Variants in ARHGEF6 observed in about 807,000 individuals in gnomAD.
ARHGEF6 encodes the protein Rac/Cdc42 guanine nucleotide exchange factor 6, also known as rho guanine nucleotide exchange factor 6.
In ARHGEF6, 9 loss-of-function variants were observed where a neutral mutation model predicts 70.3. The ratio of observed to expected loss-of-function variants is 0.13; its 90% confidence interval spans 0.08 to 0.22. The LOEUF is 0.22. Ranked by LOEUF, ARHGEF6 falls within the 10% of genes least tolerant of loss-of-function variation. The pLI is 1.00. For missense variants in ARHGEF6, 470 were observed against 563.0 expected, an observed-to-expected ratio of 0.83 and a Z score of 1.67; for synonymous variants, 201 against 207.8, an observed-to-expected ratio of 0.97 and a Z score of 0.28.
chrX:136,671,965 G>T, intron 20 of ARHGEF6, 55 bp downstream of exon 20: 1 of 1,012,250 alleles, frequency 9.9e-7, no homozygotes, highest in Non-Finnish European at 1.4e-6. Context: ...CGTCCTACCA[G>T]ACCTTCTTGC....
intron 2 of ARHGEF6, among the ~76,000 whole-genome samples, chrX:136,775,055 G>A (rs2077393284): frequency 9.0e-6 from 1 of 111,325 alleles, no homozygotes; most frequent in Admixed American, 9.6e-5. Flanking sequence ...CTACATTCCG[G>A]GCACTCTTCT....
chrX:136,732,047 T>C (rs781429618), intron 6 of ARHGEF6, 55 bp downstream of exon 6: 8 of 976,418 alleles, frequency 8.2e-6, no homozygotes, highest in Middle Eastern at 3.4e-4. Flanking sequence ...GTTTGACAAG[T>C]GAAAAAGTTC....
At chrX:136,732,000 T>C in intron 6 of ARHGEF6, 102 bp downstream of exon 6, 1 of 631,400 alleles carries the variant, frequency 1.6e-6, no homozygotes, top group East Asian at 3.6e-5. Flanking sequence ...TGCAACTTTA[T>C]TCAGTCTTTC....
At position 136,732,157 on chromosome X, in the gene ARHGEF6, G is replaced by A. The variant is rs780994752; in HGVS notation, c.677C>T (p.Pro226Leu). 2.5e-6 allele frequency: 3 copies of A among 1,201,409 alleles called. No individual in the cohort carries two copies. The highest frequency in any genetic ancestry group is 3.4e-6 in the Non-Finnish European group (3 of 888,288). ...EIKSSERPLS[P>L]KAVKGFETAP... ...AGTTTCAAATCCTTTGACGGCTTTT[G>A]GGGAGAGAGGTCTCTCTGTGAAAAA... The change falls in exon 6 of 22, where the codon CCA becomes CTA. Residue 226 changes from proline to leucine, a missense_variant. Pro to Leu is a moderately conservative substitution (Grantham distance 98). This residue lies in a region of ARHGEF6 where 379 missense variants were observed against 449.3 expected (regional missense o/e 0.84). Transcript: ENST00000250617.
chrX:136,670,082 C>T (rs1469025553), intron 20 of ARHGEF6, among the ~76,000 whole-genome samples: 1 of 111,486 alleles, frequency 9.0e-6, no homozygotes, highest in Non-Finnish European at 1.9e-5. Flanking sequence ...GGTTCAAGGA[C>T]CCCCATGGAT....
Position 136,720,507 on chromosome X carries a change from A to G in ARHGEF6, c.733-7137T>C, listed in dbSNP as rs750318596. ...TCAACTTGATAAAGAACAGCTACGA[A>G]AAAAAAAGGGAAAAAAAAGCTAACA... On this transcript the variant is annotated intron_variant, in intron 6 of 21. Transcript: ENST00000250617. Among the ~76,000 whole-genome samples, 558 of 110,585 alleles carry G rather than the reference A, an allele frequency of 5.0e-3. 1 individual carries two copies. The highest frequency in any genetic ancestry group is 0.018 in the African/African-American group (541 of 30,392).
At chrX:136,702,393 A>G (rs2076585273) in intron 9 of ARHGEF6, among the ~76,000 whole-genome samples, 2 of 112,695 alleles carry the variant, frequency 1.8e-5, no homozygotes, top group African/African-American at 6.4e-5. Context: ...ATCCAAATAT[A>G]TAAATAATCA....
intron 2 of ARHGEF6, among the ~76,000 whole-genome samples, chrX:136,775,885 A>G (rs1174812218): frequency 8.9e-6 from 1 of 111,797 alleles, no homozygotes; most frequent in Non-Finnish European, 1.9e-5. Flanking sequence ...TAACACTACT[A>G]TACACCAACA....
chrX:136,779,575 C>G (rs1000166526), intron 1 of ARHGEF6, 78 bp from the exon 2 acceptor site: 2 of 927,449 alleles, frequency 2.2e-6, no homozygotes, highest in Admixed American at 2.2e-5. Context: ...TTGCTGATAA[C>G]TAGAGAAAGC....
At chrX:136,740,210 T>C (rs1490594151) in intron 5 of ARHGEF6, among the ~76,000 whole-genome samples, 1 of 110,974 alleles carries the variant, frequency 9.0e-6, no homozygotes, top group Non-Finnish European at 1.9e-5. Flanking sequence ...TGTTTCTCCA[T>C]GTTGCCCAGG....
intron 6 of ARHGEF6, among the ~76,000 whole-genome samples, chrX:136,728,719 T>C (rs762971408): frequency 3.7e-5 from 4 of 109,388 alleles, no homozygotes; most frequent in Non-Finnish European, 7.6e-5. Context: ...GTAGAGCATA[T>C]TGCCTGCCTA....
intron 19 of ARHGEF6, among the ~76,000 whole-genome samples, chrX:136,674,522 T>C (rs765169128): frequency 4.4e-5 from 5 of 112,666 alleles, no homozygotes; most frequent in Non-Finnish European, 9.4e-5. Flanking sequence ...GCTAAGCAGC[T>C]ACCTTTCCAG....
rs1057515778 is a variant in ARHGEF6, at chrX:136,667,904, GGA to G, written c.*123_*124del. 2,978 of 799,056 alleles carry G rather than the reference GGA, an allele frequency of 3.7e-3. No homozygotes were observed. The highest frequency in any genetic ancestry group is 4.3e-3 in the Non-Finnish European group (2,405 of 555,755). The allele number at this position is 799,056 out of a possible 1,213,427, so 65.9% of individuals were successfully genotyped here. ...GCGGGGAGAGAAAGAGAAGAGAGAG[GGA>G]GAGAGAGAGAGAGACTCAAACACAA... On this transcript the variant is annotated 3_prime_UTR_variant, in exon 22 of 22. Transcript: ENST00000250617.
At chrX:136,696,639 A>C (rs1036542515) in intron 9 of ARHGEF6, among the ~76,000 whole-genome samples, 4 of 111,101 alleles carry the variant, frequency 3.6e-5, no homozygotes, top group African/African-American at 1.3e-4. Flanking sequence ...TAATAATAAA[A>C]ATAAAAATAA....
At chrX:136,769,139 C>T (rs780138194) in intron 2 of ARHGEF6, among the ~76,000 whole-genome samples, 3 of 111,828 alleles carry the variant, frequency 2.7e-5, no homozygotes, top group East Asian at 2.8e-4. Flanking sequence ...GGGCTGGGTG[C>T]GGTGGCTCCT....
In ARHGEF6 at chrX:136,667,086, C is replaced by G. The variant is rs1487849564; in HGVS notation, c.*943G>C. The G allele has an allele frequency of 5.3e-5, 6 of 112,661 alleles. No homozygotes were observed. Among genetic ancestry groups the G allele is most frequent in the Non-Finnish European group, 1.1e-4 (6 of 53,343 alleles). 9.3% of individuals were successfully genotyped at this position (112,661 alleles called of 1,213,427 possible). A position where few individuals can be genotyped will look rare whatever the true frequency, so the allele number is the denominator to read the frequency against. ...ATGCAACGTACATAAAGTAACTCCT[C>G]ACAGTCTAACTACATTTTTTTAAAA... On this transcript the variant is annotated 3_prime_UTR_variant, in exon 22 of 22. Coordinates refer to ENST00000250617, the MANE Select transcript of ARHGEF6 (RefSeq NM_004840.3).
At chrX:136,686,594 G>GTGTATATATATATATA (rs1303999821) in intron 11 of ARHGEF6, among the ~76,000 whole-genome samples, 4 of 57,146 alleles carry the variant, frequency 7.0e-5, no homozygotes, top group African/African-American at 2.9e-4. Context: ...GTATGTGTGT[G>GTGTATATATATATATA]TATATATATA....
At chrX:136,716,103 G>A (rs1009706536) in intron 6 of ARHGEF6, among the ~76,000 whole-genome samples, 1 of 112,400 alleles carries the variant, frequency 8.9e-6, no homozygotes, top group Admixed American at 9.3e-5. Flanking sequence ...ATCACGCCCA[G>A]CTAATTTTGT....
At chrX:136,692,012 A>T (rs1569396348) in intron 9 of ARHGEF6, among the ~76,000 whole-genome samples, 1 of 111,426 alleles carries the variant, frequency 9.0e-6, no homozygotes, top group Non-Finnish European at 1.9e-5. Context: ...AAAACTTGCT[A>T]TCAGTAATAA....
Sources: allele counts gnomAD v4.1 joint callset (sites outside exome capture counted in the v4.1 genomes callset), GRCh38; gene constraint gnomAD v4.1.1; regional missense constraint gnomAD v4.1.1; transcripts MANE v1.5; gene names NCBI Gene and HGNC (gene_info 2026-07-23, HGNC 2026-07-21).